Variants in SHB observed in about 807,000 individuals in gnomAD.
SHB encodes the protein SH2 domain containing adaptor protein B, also known as SH2 domain-containing adapter protein B.
In SHB, 20 loss-of-function variants were observed where a neutral mutation model predicts 52.3. That is an observed-to-expected ratio of 0.38 (90% CI 0.27 to 0.56). The LOEUF (loss-of-function observed/expected upper bound fraction) is 0.56, where lower values mean the gene tolerates loss of function less well. SHB is among the 20% of genes least tolerant of loss of function. SHB has a pLI of 0.71. For missense variants in SHB, 825 were observed against 723.3 expected, an observed-to-expected ratio of 1.14 and a Z score of -1.61; for synonymous variants, 397 against 316.5, an observed-to-expected ratio of 1.25 and a Z score of -2.70.
At chr9:38,051,287 CA>C (rs1206428711) in intron 1 of SHB, among the ~76,000 whole-genome samples, 1 of 151,722 alleles carries the variant, frequency 6.6e-6, no homozygotes, top group Non-Finnish European at 1.5e-5. Context: ...TAAAAAATAA[CA>C]AAAATTTAGC....
At chr9:37,991,431 C>T (rs1028211559) in intron 2 of SHB, among the ~76,000 whole-genome samples, 4 of 152,224 alleles carry the variant, frequency 2.6e-5, no homozygotes, top group Non-Finnish European at 5.9e-5. Flanking sequence ...ACAATTTTCA[C>T]TTCATGTAAT....
Position 38,068,010 on chromosome 9 carries a change from C to A in SHB, c.636G>T (p.Pro212=). The change falls in exon 1 of 6, where the codon CCG becomes CCT. Residue 212 remains proline, a synonymous_variant. Transcript: ENST00000377707. ...GACAGGRTWS[P]TACGGKKLLN... is the part of the protein sequence containing the mutation. Reference sequence around the variant, plus strand: ...GCAGTTTCTTGCCTCCGCAGGCCGTCGGGCTCCAGGTGCGGCCGCCCGCGC... The same window carrying A: ...GCAGTTTCTTGCCTCCGCAGGCCGTAGGGCTCCAGGTGCGGCCGCCCGCGC... 6.6e-7 allele frequency: 1 copy of A among 1,524,122 alleles called. No homozygotes were observed. The highest frequency in any genetic ancestry group is 1.2e-5 in the South Asian group (1 of 82,258). The allele number at this position is 1,524,122 out of a possible 1,614,324, so 94.4% of individuals were successfully genotyped here.
At chr9:38,014,478 A>G (rs1821184565) in intron 2 of SHB, among the ~76,000 whole-genome samples, 1 of 151,732 alleles carries the variant, frequency 6.6e-6, no homozygotes, top group South Asian at 2.1e-4. Flanking sequence ...TGTGGTGAGG[A>G]CTCCCCCAGC....
At chr9:38,031,308 A>C (rs1486523900) in intron 1 of SHB, among the ~76,000 whole-genome samples, 1 of 152,220 alleles carries the variant, frequency 6.6e-6, no homozygotes, top group African/African-American at 2.4e-5. Flanking sequence ...TGACAGAGCG[A>C]GAGACTATGT....
rs1406966669 is a variant in SHB, at chr9:38,068,322, G to A, written c.324C>T (p.Ala108=). The change falls in exon 1 of 6, where the codon GCC becomes GCT. Residue 108 remains alanine, a synonymous_variant. Transcript: ENST00000377707. ...CGCCGCAGTAGTCCAGGCGGCACATGGCGCGCAGTTTGCGCAGCGACGAGC... is the reference window on the plus strand; with the variant it reads ...CGCCGCAGTAGTCCAGGCGGCACATAGCGCGCAGTTTGCGCAGCGACGAGC... The part of the protein sequence containing the change: ...GPGSSLRKLR[A]MCRLDYCGGS... 6.5e-6 allele frequency: 10 copies of A among 1,532,188 alleles called. No homozygotes were observed. The highest frequency in any genetic ancestry group is 3.7e-5 in the South Asian group (3 of 81,958). The allele number at this position is 1,532,188 out of a possible 1,614,324, so 94.9% of individuals were successfully genotyped here.
chr9:37,931,349 G>T (rs781560707), intron 5 of SHB, among the ~76,000 whole-genome samples: 1 of 152,114 alleles, frequency 6.6e-6, no homozygotes, highest in Non-Finnish European at 1.5e-5. Flanking sequence ...CTGATAAAGG[G>T]TTAACATCCA....
intron 1 of SHB, among the ~76,000 whole-genome samples, chr9:38,018,754 C>T (rs1395821735): frequency 6.6e-6 from 1 of 152,264 alleles, no homozygotes; most frequent in Non-Finnish European, 1.5e-5. Flanking sequence ...GGCAGTCAAC[C>T]AGAGTGCCCT....
At chr9:37,932,562 C>CCA (rs780656861) in intron 5 of SHB, among the ~76,000 whole-genome samples, 1 of 86,754 alleles carries the variant, frequency 1.2e-5, no homozygotes, top group Non-Finnish European at 2.5e-5. Flanking sequence ...GCTCTAGCCA[C>CCA]AAAAAAAAAA....
chr9:37,929,042 AG>A (rs984412819), intron 5 of SHB, among the ~76,000 whole-genome samples: 1 of 152,160 alleles, frequency 6.6e-6, no homozygotes, highest in African/African-American at 2.4e-5. Flanking sequence ...AGGGCTGGAG[AG>A]GGGGGTGGGC....
At chr9:37,995,577 C>T in intron 2 of SHB, among the ~76,000 whole-genome samples, 1 of 152,198 alleles carries the variant, frequency 6.6e-6, no homozygotes, top group East Asian at 1.9e-4. Context: ...CTTGCATCAC[C>T]CCAAAGGTCC....
intron 5 of SHB, among the ~76,000 whole-genome samples, chr9:37,931,552 A>G (rs983146848): frequency 2.6e-5 from 4 of 152,244 alleles, no homozygotes; most frequent in African/African-American, 9.6e-5. Context: ...ATCACTTCAT[A>G]CCCACTAGAA....
chr9:38,062,821 GT>G (rs1340890644), intron 1 of SHB, among the ~76,000 whole-genome samples: 1 of 152,216 alleles, frequency 6.6e-6, no homozygotes, highest in Non-Finnish European at 1.5e-5. Context: ...TGTAAATAAA[GT>G]TTTATTGGGA....
intron 1 of SHB, among the ~76,000 whole-genome samples, chr9:38,051,984 G>A (rs141648510): frequency 6.4e-4 from 98 of 152,280 alleles, no homozygotes; most frequent in African/African-American, 2.0e-3. Context: ...AGCATCCCGC[G>A]TTGGCTCAGA....
intron 1 of SHB, among the ~76,000 whole-genome samples, chr9:38,018,380 C>T (rs73437978): frequency 0.049 from 7,448 of 152,096 alleles, 416 homozygotes; most frequent in African/African-American, 0.14. Context: ...CATGGAGCTG[C>T]GGCTGCCTGC....
At chr9:37,970,549 C>A (rs1261838491) in intron 3 of SHB, among the ~76,000 whole-genome samples, 1 of 152,148 alleles carries the variant, frequency 6.6e-6, no homozygotes, top group Non-Finnish European at 1.5e-5. Flanking sequence ...CGGGACAGTG[C>A]TTTGAAAGCT....
intron 1 of SHB, among the ~76,000 whole-genome samples, chr9:38,051,015 C>A (rs1234327679): frequency 6.6e-6 from 1 of 152,190 alleles, no homozygotes; most frequent in African/African-American, 2.4e-5. Flanking sequence ...CTGGAGGCTT[C>A]AAGTCTAATC....
At chr9:38,022,336 C>T (rs961142165) in intron 1 of SHB, among the ~76,000 whole-genome samples, 4 of 152,156 alleles carry the variant, frequency 2.6e-5, no homozygotes, top group African/African-American at 9.7e-5. Context: ...ACAGATGCGA[C>T]GCGTCGACTG....
intron 1 of SHB, among the ~76,000 whole-genome samples, chr9:38,031,584 G>C (rs1394223405): frequency 6.6e-6 from 1 of 152,098 alleles, no homozygotes; most frequent in Non-Finnish European, 1.5e-5. Context: ...CAATGGTCTG[G>C]TGTGCATGTT....
At chr9:38,024,643 C>T (rs952872987) in intron 1 of SHB, among the ~76,000 whole-genome samples, 2 of 152,230 alleles carry the variant, frequency 1.3e-5, no homozygotes, top group African/African-American at 2.4e-5. Context: ...GCTCCACCCT[C>T]TGTTTACCCC....
Sources: allele counts gnomAD v4.1 joint callset (sites outside exome capture counted in the v4.1 genomes callset), GRCh38; gene constraint gnomAD v4.1.1; transcripts MANE v1.5; gene names NCBI Gene and HGNC (gene_info 2026-07-23, HGNC 2026-07-21).